Variants in ZCWPW2 observed in about 807,000 individuals in gnomAD.
ZCWPW2 encodes zinc finger CW-type and PWWP domain containing 2, also known as zinc finger CW-type PWWP domain protein 2.
ZCWPW2 carries 45 observed loss-of-function variants against 46.6 expected under a neutral mutation model. That is an observed-to-expected ratio of 0.96 (90% CI 0.76 to 1.24). The LOEUF (loss-of-function observed/expected upper bound fraction) is 1.24. ZCWPW2 is among the 50% of genes most tolerant of loss of function. The probability of loss-of-function intolerance (pLI) is 0.00; values close to 1 mark genes in which losing one functional copy is unlikely to be tolerated. For missense variants in ZCWPW2, 429 were observed against 403.9 expected (o/e 1.06, Z -0.53); for synonymous variants, 152 against 137.1 (o/e 1.11, Z -0.76).
In ZCWPW2 at chr3:28,348,887, C is replaced by T. The variant is rs1051221014; in HGVS notation, c.-450C>T. On this transcript the variant is annotated 5_prime_UTR_variant, in exon 1 of 10. Coordinates refer to ENST00000383768, the MANE Select transcript of ZCWPW2 (RefSeq NM_001040432.4). ...AGAAGGCCCGTTACCCAGCAATACGCGCGCGAGACCCAGGCCCGCCGTCGG... is the reference window on the plus strand; with the variant it reads ...AGAAGGCCCGTTACCCAGCAATACGTGCGCGAGACCCAGGCCCGCCGTCGG... 2 of 929,380 alleles carry T rather than the reference C, an allele frequency of 2.2e-6. No individual in the cohort carries two copies. Among genetic ancestry groups the T allele is most frequent in the Non-Finnish European group, 2.6e-6 (2 of 778,730 alleles). 57.6% of individuals were successfully genotyped at this position (929,380 alleles called of 1,614,324 possible).
intron 6 of ZCWPW2, among the ~76,000 whole-genome samples, chr3:28,498,088 A>T (rs1700043746): frequency 6.6e-6 from 1 of 152,096 alleles, no homozygotes; most frequent in Non-Finnish European, 1.5e-5. Flanking sequence ...AGATATAATA[A>T]ATATCTGAGT....
chr3:28,361,418 T>A (rs1217701659), intron 1 of ZCWPW2, among the ~76,000 whole-genome samples: 1 of 152,008 alleles, frequency 6.6e-6, no homozygotes, highest in African/African-American at 2.4e-5. Context: ...ATATAAGGAA[T>A]TAAACTATAA....
At chr3:28,500,487 T>C (rs1700113792) in intron 6 of ZCWPW2, among the ~76,000 whole-genome samples, 1 of 152,120 alleles carries the variant, frequency 6.6e-6, no homozygotes, top group African/African-American at 2.4e-5. Flanking sequence ...TCTTTTTCCC[T>C]AACACTTATT....
intron 1 of ZCWPW2, among the ~76,000 whole-genome samples, chr3:28,350,138 T>C (rs1704486118): frequency 6.6e-6 from 1 of 152,246 alleles, no homozygotes; most frequent in African/African-American, 2.4e-5. Context: ...CCTTAAATTT[T>C]TTTATTGCTT....
At chr3:28,508,269 C>T (rs1359522461) in intron 6 of ZCWPW2, among the ~76,000 whole-genome samples, 1 of 152,094 alleles carries the variant, frequency 6.6e-6, no homozygotes, top group Non-Finnish European at 1.5e-5. Flanking sequence ...CAAATTTCAA[C>T]AAGAAGTTTG....
chr3:28,348,957 TG>T lies in ZCWPW2; in HGVS notation c.-378del. On this transcript the variant is annotated 5_prime_UTR_variant, in exon 1 of 10. Transcript: ENST00000383768. Reference sequence around the variant, plus strand: ...GAGGGGAAGCACTCCGGAAAGTGATTGGAAGTGTGGATGAGCTCTCAGCCGG... The same window carrying T: ...GAGGGGAAGCACTCCGGAAAGTGATTGAAGTGTGGATGAGCTCTCAGCCGG... The T allele has an allele frequency of 1.0e-6, 1 of 985,406 alleles. No individual in the cohort carries two copies. Among genetic ancestry groups the T allele is most frequent in the Non-Finnish European group, 1.2e-6 (1 of 830,032 alleles). 61.0% of individuals were successfully genotyped at this position (985,406 alleles called of 1,614,324 possible).
At chr3:28,467,248 C>T (rs2168799) in intron 4 of ZCWPW2, among the ~76,000 whole-genome samples, 5 of 150,396 alleles carry the variant, frequency 3.3e-5, no homozygotes, top group African/African-American at 1.2e-4. Context: ...GAAAGACTTA[C>T]ATGAACAAAA....
At chr3:28,507,533 G>A (rs931419844) in intron 6 of ZCWPW2, among the ~76,000 whole-genome samples, 1 of 151,244 alleles carries the variant, frequency 6.6e-6, no homozygotes, top group Admixed American at 6.6e-5. Flanking sequence ...GTGGAGTACA[G>A]TGGTGCAATC....
intron 1 of ZCWPW2, among the ~76,000 whole-genome samples, chr3:28,374,549 G>A (rs1194873819): frequency 3.3e-5 from 5 of 152,108 alleles, no homozygotes; most frequent in Admixed American, 6.6e-5. Flanking sequence ...TATTGAATTT[G>A]TAGGTTGCTT....
chr3:28,378,253 G>A (rs1705564714), intron 1 of ZCWPW2, among the ~76,000 whole-genome samples: 1 of 151,728 alleles, frequency 6.6e-6, no homozygotes, highest in African/African-American at 2.4e-5. Flanking sequence ...TCATAGAGAA[G>A]ATTAAAGATA....
intron 6 of ZCWPW2, among the ~76,000 whole-genome samples, chr3:28,498,604 C>T (rs963538659): frequency 6.6e-6 from 1 of 151,542 alleles, no homozygotes; most frequent in Non-Finnish European, 1.5e-5. Flanking sequence ...AATTCTCAGA[C>T]TTACAATAGT....
intron 1 of ZCWPW2, among the ~76,000 whole-genome samples, chr3:28,349,558 C>T (rs1308624953): frequency 6.6e-6 from 1 of 152,120 alleles, no homozygotes; most frequent in East Asian, 1.9e-4. Flanking sequence ...GGAGAAGATG[C>T]CAGAGTACTG....
intron 2 of ZCWPW2, among the ~76,000 whole-genome samples, chr3:28,393,738 C>T (rs1029954954): frequency 2.0e-5 from 3 of 152,102 alleles, no homozygotes; most frequent in African/African-American, 7.2e-5. Context: ...AATTTAACAT[C>T]AGTTTATGAT....
rs141979502 is a variant in ZCWPW2 at position 28,414,473 on chromosome 3, G to A, written c.332+1073G>A. Reference sequence around the variant, plus strand: ...GTTTTTTTTTAATTTTATTATTATTGTACTTTAAGTTTTAGGGTACATGTG... The same window carrying A: ...GTTTTTTTTTAATTTTATTATTATTATACTTTAAGTTTTAGGGTACATGTG... On this transcript the variant is annotated intron_variant, in intron 3 of 9. Transcript: ENST00000383768. Among the ~76,000 whole-genome samples the A allele has an allele frequency of 2.6e-3, 386 of 150,748 alleles. 1 individual carries two copies. Among genetic ancestry groups the A allele is most frequent in the African/African-American group, 8.5e-3 (350 of 41,132 alleles).
chr3:28,357,390 T>C (rs1427646285), intron 1 of ZCWPW2, among the ~76,000 whole-genome samples: 2 of 152,210 alleles, frequency 1.3e-5, no homozygotes, highest in African/African-American at 4.8e-5. Context: ...AACTTGAATG[T>C]GTGCCGTGGG....
In ZCWPW2 at chr3:28,373,015, A is replaced by G. The variant is rs141747000; in HGVS notation, c.-133-17483A>G. On this transcript the variant is annotated intron_variant, in intron 1 of 9. Transcript: ENST00000383768. The stretch of plus-strand genomic sequence containing the variant: ...TATCTATATATCCATATCTATATCT[A>G]TCTATCTACACAGACCCCCTACATT... Among the ~76,000 whole-genome samples, 393 of 152,120 alleles carry G rather than the reference A, an allele frequency of 2.6e-3. 1 individual carries two copies. Among genetic ancestry groups the G allele is most frequent in the African/African-American group, 8.5e-3 (351 of 41,500 alleles).
At chr3:28,384,240 A>T (rs1235182312) in intron 1 of ZCWPW2, among the ~76,000 whole-genome samples, 1 of 152,180 alleles carries the variant, frequency 6.6e-6, no homozygotes, top group African/African-American at 2.4e-5. Context: ...GGAATATGTT[A>T]TATGTATTTA....
At position 28,435,163 on chromosome 3, in the gene ZCWPW2, A is replaced by G; in HGVS notation, c.386A>G (p.Asp129Gly). Residue 129 changes from aspartate to glycine, a missense_variant, in exon 4 of 10, where the codon GAC becomes GGC. Transcript: ENST00000383768. ...DRFKGKYVTY[D>G]PDGNVEEYHI... ...TTTAAAGGGAAATATGTAACTTATG[A>G]CCCGGATGGAAATGTTGAAGAGTAT... is the stretch of plus-strand genomic sequence containing the variant. 1 of 1,613,636 alleles carries G rather than the reference A, an allele frequency of 6.2e-7. No individual in the cohort carries two copies. The highest frequency in any genetic ancestry group is 8.5e-7 in the Non-Finnish European group (1 of 1,179,940).
At chr3:28,434,687 C>G (rs2125762969) in intron 3 of ZCWPW2, among the ~76,000 whole-genome samples, 1 of 152,300 alleles carries the variant, frequency 6.6e-6, no homozygotes, top group South Asian at 2.1e-4. Context: ...AATACCAGCT[C>G]TCTCCCACGC....
Sources: gnomAD v4.1 joint callset for allele counts (sites outside exome capture counted in the v4.1 genomes callset) on GRCh38, gnomAD v4.1.1 for gene constraint, MANE v1.5 for transcripts, NCBI Gene and HGNC (gene_info 2026-07-23, HGNC 2026-07-21) for gene names.